The following TUSC3 variants were observed in gnomAD, a reference collection of about 807,000 sequenced individuals.
TUSC3 encodes tumor suppressor candidate 3, also known as dolichyl-diphosphooligosaccharide--protein glycosyltransferase subunit TUSC3.
A neutral mutation model predicts 44.8 loss-of-function variants in TUSC3; 45 were observed. The ratio of observed to expected loss-of-function variants is 1.00; its 90% CI spans 0.79 to 1.29. The LOEUF is 1.29. Ranked by LOEUF, TUSC3 falls within the 50% of genes most tolerant of loss-of-function variation. The pLI, the probability that TUSC3 is intolerant of heterozygous loss-of-function variation, is 0.00. For synonymous variants in TUSC3, 212 were observed against 152.9 expected (o/e 1.39, Z -2.85); for missense variants, 519 against 437.9 (o/e 1.19, Z -1.65).
the TUSC3 span, among the ~76,000 whole-genome samples, chr8:15,772,151 G>A: frequency 3.0e-4 from 46 of 151,810 alleles, no homozygotes; most frequent in Admixed American, 2.6e-3. Context: ...TTAAAGAATT[G>A]GAAAAAGAAA....
chr8:15,459,697 C>A (rs1427050783), intron 1 of TUSC3, among the ~76,000 whole-genome samples: 1 of 152,090 alleles, frequency 6.6e-6, no homozygotes. Context: ...TTAGCTTTCA[C>A]ATATCAGTGA....
intron 1 of TUSC3, among the ~76,000 whole-genome samples, chr8:15,455,980 G>A (rs554340761): frequency 9.9e-5 from 15 of 152,162 alleles, no homozygotes; most frequent in Admixed American, 7.2e-4. Flanking sequence ...CAGATTTTTT[G>A]CTTGTCTAAT....
chr8:15,566,736 G>A (rs780668258), intron 1 of TUSC3, among the ~76,000 whole-genome samples: 9 of 151,608 alleles, frequency 5.9e-5, no homozygotes, highest in Non-Finnish European at 1.0e-4. Flanking sequence ...CAATCCTCCC[G>A]CGTTAGTCTC....
At chr8:15,513,990 A>C (rs370961228) in intron 2 of TUSC3, among the ~76,000 whole-genome samples, 1 of 151,826 alleles carries the variant, frequency 6.6e-6, no homozygotes, top group Non-Finnish European at 1.5e-5. Context: ...TCTTCTTTAC[A>C]TACAATAAAG....
At chr8:15,631,564 A>T (rs560833068) in intron 2 of TUSC3, among the ~76,000 whole-genome samples, 2 of 152,168 alleles carry the variant, frequency 1.3e-5, no homozygotes, top group Non-Finnish European at 2.9e-5. Context: ...AAGTATAGGT[A>T]AAAGAAATCA....
At chr8:15,626,628 C>T (rs1481053977) in intron 2 of TUSC3, among the ~76,000 whole-genome samples, 2 of 152,170 alleles carry the variant, frequency 1.3e-5, no homozygotes, top group Non-Finnish European at 2.9e-5. Flanking sequence ...CCCCCCTTAC[C>T]CCTGCAGGCT....
chr8:15,779,374 T>C, the TUSC3 span, among the ~76,000 whole-genome samples: 3 of 152,268 alleles, frequency 2.0e-5, no homozygotes, highest in Non-Finnish European at 2.9e-5. Context: ...AGCCCACATA[T>C]GCACTTTTAT....
intron 1 of TUSC3, among the ~76,000 whole-genome samples, chr8:15,617,120 A>ATGTGTGTGTGTGTCTGTGTGTG (rs143444660): frequency 8.1e-6 from 1 of 123,720 alleles, no homozygotes; most frequent in African/African-American, 3.3e-5. Context: ...TATCTGTAAA[A>ATGTGTGTGTGTGTCTGTGTGTG]TGTGTGTGTG....
chr8:15,445,709 C>A (rs1483775772), intron 1 of TUSC3, among the ~76,000 whole-genome samples: 1 of 152,224 alleles, frequency 6.6e-6, no homozygotes, highest in Non-Finnish European at 1.5e-5. Flanking sequence ...TCTCCTATGT[C>A]TACTTCTTTC....
the TUSC3 span, chr8:15,806,069 G>A: frequency 1.7e-4 from 47 of 275,906 alleles, 1 homozygote; most frequent in South Asian, 2.0e-3. Flanking sequence ...GTTGAGGACG[G>A]ATGTTAAAAG....
At chr8:15,730,092 G>A (rs1037580252) in intron 6 of TUSC3, among the ~76,000 whole-genome samples, 2 of 152,042 alleles carry the variant, frequency 1.3e-5, no homozygotes, top group African/African-American at 4.8e-5. Context: ...AATCAATTTA[G>A]AAGCCAAATA....
intron 2 of TUSC3, among the ~76,000 whole-genome samples, chr8:15,529,504 G>C (rs10108360): frequency 1.4e-3 from 220 of 152,026 alleles, no homozygotes; most frequent in Non-Finnish European, 2.7e-3. Flanking sequence ...TGAATGAAAT[G>C]TATCGTAATA....
intron 9 of TUSC3, among the ~76,000 whole-genome samples, chr8:15,749,089 C>T (rs11986266): frequency 0.3 from 45,238 of 151,252 alleles, 7,085 homozygotes; most frequent in Admixed American, 0.41. Flanking sequence ...TATATTCATT[C>T]TTGAGCTTTT....
At position 15,631,873 on chromosome 8, in the gene TUSC3, A is replaced by AT. The variant is rs1447635239; in HGVS notation, c.308+8631dup. 2.0e-5 allele frequency among the ~76,000 whole-genome samples: 3 copies of AT among 151,682 alleles called. No homozygotes were observed. In the East Asian group the frequency reaches 5.9e-4, roughly 30 times the overall value. The stretch of plus-strand genomic sequence containing the variant: ...GGCACCTGCCGCCATGCCTGGCTAA[A>AT]TTTTTTTGTATTTTTAGTAGAGATG... On this transcript the variant is annotated intron_variant, in intron 2 of 10. Coordinates refer to ENST00000503731, the MANE Select transcript of TUSC3 (RefSeq NM_006765.4).
chr8:15,511,856 G>A (rs963863547), intron 2 of TUSC3, among the ~76,000 whole-genome samples: 1 of 141,158 alleles, frequency 7.1e-6, no homozygotes, highest in Non-Finnish European at 1.6e-5. Flanking sequence ...GGGCGACAGA[G>A]CAAGACAGTC....
the TUSC3 span, among the ~76,000 whole-genome samples, chr8:15,819,525 C>T: frequency 1.3e-5 from 2 of 152,150 alleles, no homozygotes; most frequent in African/African-American, 4.8e-5. Context: ...GTCATGTCTA[C>T]TAGACTGTCC....
At chr8:15,598,905 C>A (rs1029075957) in intron 1 of TUSC3, among the ~76,000 whole-genome samples, 1 of 151,876 alleles carries the variant, frequency 6.6e-6, no homozygotes, top group South Asian at 2.1e-4. Context: ...ATCAACACCT[C>A]TTTACAGGTT....
chr8:15,623,479 A>G lies in TUSC3; in HGVS notation c.308+230A>G, dbSNP rs566121627. ...TTGACCAGTTGCACATATAATCATAAAACCGTTTTATCATCTTGATATCCT... is the reference window on the plus strand; with the variant it reads ...TTGACCAGTTGCACATATAATCATAGAACCGTTTTATCATCTTGATATCCT... On this transcript the variant is annotated intron_variant, in intron 2 of 10. Coordinates refer to ENST00000503731, the MANE Select transcript of TUSC3 (RefSeq NM_006765.4). Among the ~76,000 whole-genome samples the G allele has an allele frequency of 5.3e-5, 8 of 152,252 alleles. 1 individual carries two copies. In the South Asian group the frequency reaches 1.7e-3, roughly 32 times the overall value.
At chr8:15,625,472 G>C (rs2129165614) in intron 2 of TUSC3, among the ~76,000 whole-genome samples, 1 of 152,296 alleles carries the variant, frequency 6.6e-6, no homozygotes, top group Middle Eastern at 3.4e-3. Flanking sequence ...TGGGTCTGGA[G>C]ATATCTTCCA....
Sources: gnomAD v4.1 joint callset for allele counts (sites outside exome capture counted in the v4.1 genomes callset) on GRCh38, gnomAD v4.1.1 for gene constraint, MANE v1.5 for transcripts, NCBI Gene and HGNC (gene_info 2026-07-23, HGNC 2026-07-21) for gene names.